NCAM2: variants seen among roughly 807,000 people sequenced by gnomAD.
NCAM2 encodes N-CAM-2.
NCAM2 carries 30 observed loss-of-function variants against 98.1 expected under a neutral mutation model. The ratio of observed to expected loss-of-function variants is 0.31; its 90% CI spans 0.23 to 0.41. The LOEUF (loss-of-function observed/expected upper bound fraction) is 0.41. Ranked by LOEUF, NCAM2 falls within the 10% of genes least tolerant of loss-of-function variation. NCAM2 has a pLI of 1.00. For synonymous variants in NCAM2, 368 were observed against 342.4 expected (o/e 1.07, Z -0.83); for missense variants, 867 against 1,005.8 (o/e 0.86, Z 1.87).
At chr21:21,249,758 C>A (rs1336405209) in intron 1 of NCAM2, among the ~76,000 whole-genome samples, 1 of 151,952 alleles carries the variant, frequency 6.6e-6, no homozygotes, top group East Asian at 1.9e-4. Flanking sequence ...AGAGATTTTC[C>A]ACAGATGAAA....
Position 21,335,669 on chromosome 21 carries a change from A to G in NCAM2, c.898+4A>G. The G allele has an allele frequency of 1.2e-6, 2 of 1,602,308 alleles. No homozygotes were observed. The highest frequency in any genetic ancestry group is 1.7e-5 in the Admixed American group (1 of 58,092). Reference sequence around the variant, plus strand: ...CAAGCTTTCCTCCAAGTCTTTGGTAAGTATTATAGCATAGTGGCTAAAACT... The same window carrying G: ...CAAGCTTTCCTCCAAGTCTTTGGTAGGTATTATAGCATAGTGGCTAAAACT... On this transcript the variant is annotated splice_donor_region_variant and intron_variant, in intron 7 of 17. Transcript: ENST00000400546.
chr21:21,152,780 G>T (rs2067484613), intron 1 of NCAM2, among the ~76,000 whole-genome samples: 1 of 151,912 alleles, frequency 6.6e-6, no homozygotes, highest in African/African-American at 2.4e-5. Flanking sequence ...AGTAGTTGTT[G>T]TTTCCCTCTC....
At chr21:21,026,989 T>A (rs1222998239) in intron 1 of NCAM2, among the ~76,000 whole-genome samples, 2 of 151,696 alleles carry the variant, frequency 1.3e-5, no homozygotes, top group Admixed American at 1.3e-4. Context: ...CCTGAGTAGC[T>A]GGGATTGCAG....
intron 12 of NCAM2, among the ~76,000 whole-genome samples, chr21:21,448,228 G>A (rs1602371182): frequency 6.6e-6 from 1 of 152,212 alleles, no homozygotes; most frequent in East Asian, 1.9e-4. Flanking sequence ...AAAGGAATGA[G>A]AACATGTCCT....
intron 1 of NCAM2, among the ~76,000 whole-genome samples, chr21:21,023,455 C>T (rs1475837640): frequency 1.3e-5 from 2 of 150,462 alleles, no homozygotes; most frequent in Non-Finnish European, 3.0e-5. Flanking sequence ...ATCTGGGAGG[C>T]GGAGGTTGCA....
At chr21:21,120,719 G>GTTTTTTTTTTTTTTTTTT (rs56905252) in intron 1 of NCAM2, among the ~76,000 whole-genome samples, 1 of 142,250 alleles carries the variant, frequency 7.0e-6, no homozygotes, top group Non-Finnish European at 1.5e-5. Flanking sequence ...TTTTTTGTGG[G>GTTTTTTTTTTTTTTTTTT]TTTTTTTTTT....
intron 1 of NCAM2, among the ~76,000 whole-genome samples, chr21:21,084,181 GT>G: frequency 6.6e-6 from 1 of 152,246 alleles, no homozygotes; most frequent in African/African-American, 2.4e-5. Flanking sequence ...TCAAAAAAGA[GT>G]GCTCATCTCA....
intron 6 of NCAM2, among the ~76,000 whole-genome samples, chr21:21,330,891 T>A (rs2074657597): frequency 6.6e-6 from 1 of 152,142 alleles, no homozygotes; most frequent in African/African-American, 2.4e-5. Flanking sequence ...CACTATGTCT[T>A]CAAGTTTACT....
At chr21:21,397,907 G>C (rs2076548662) in intron 9 of NCAM2, among the ~76,000 whole-genome samples, 1 of 152,212 alleles carries the variant, frequency 6.6e-6, no homozygotes, top group Non-Finnish European at 1.5e-5. Flanking sequence ...ACTAAAAGTA[G>C]ATCCACTATT....
chr21:20,998,669 G>T (rs748321312), intron 1 of NCAM2, 51 bp downstream of exon 1: 1 of 1,538,980 alleles, frequency 6.5e-7, no homozygotes, highest in African/African-American at 1.4e-5. Context: ...CTTCCACCCG[G>T]CCAAGAGAGG....
chr21:21,188,478 C>T (rs919610285), intron 1 of NCAM2, among the ~76,000 whole-genome samples: 1 of 152,162 alleles, frequency 6.6e-6, no homozygotes, highest in African/African-American at 2.4e-5. Flanking sequence ...CTATAACTAG[C>T]TATGGGTTAA....
chr21:21,103,822 G>GT (rs1315230017), intron 1 of NCAM2, among the ~76,000 whole-genome samples: 4 of 152,046 alleles, frequency 2.6e-5, no homozygotes, highest in Non-Finnish European at 4.4e-5. Context: ...TAGTCATTTT[G>GT]TTTTTGTGTG....
At chr21:21,009,689 AT>A (rs1461176348) in intron 1 of NCAM2, among the ~76,000 whole-genome samples, 1 of 152,060 alleles carries the variant, frequency 6.6e-6, no homozygotes, top group African/African-American at 2.4e-5. Flanking sequence ...AATCAAGATA[AT>A]CCCCCATAGT....
intron 5 of NCAM2, among the ~76,000 whole-genome samples, chr21:21,296,551 C>G (rs1468301614): frequency 6.6e-6 from 1 of 151,734 alleles, no homozygotes; most frequent in African/African-American, 2.4e-5. Context: ...AGCAGTCAAT[C>G]ATGGATGACC....
At chr21:21,320,839 T>C (rs1415524761) in intron 5 of NCAM2, among the ~76,000 whole-genome samples, 1 of 152,146 alleles carries the variant, frequency 6.6e-6, no homozygotes, top group Non-Finnish European at 1.5e-5. Flanking sequence ...GTTCTTAAAA[T>C]TAACTGAAAA....
chr21:21,265,990 G>A (rs1011621005), intron 1 of NCAM2, among the ~76,000 whole-genome samples: 1 of 152,050 alleles, frequency 6.6e-6, no homozygotes, highest in African/African-American at 2.4e-5. Context: ...AAATATTAAT[G>A]AATAAGTGAG....
At chr21:21,531,192 C>T (rs558797819) in intron 16 of NCAM2, among the ~76,000 whole-genome samples, 106 of 152,128 alleles carry the variant, frequency 7.0e-4, no homozygotes, top group African/African-American at 2.4e-3. Flanking sequence ...TTTTGTATTA[C>T]TTGCAAATAT....
chr21:21,182,505 T>G (rs2068513022), intron 1 of NCAM2, among the ~76,000 whole-genome samples: 1 of 152,202 alleles, frequency 6.6e-6, no homozygotes. Flanking sequence ...AGGCAGTAGC[T>G]TCAACTTTGA....
At chr21:21,479,228 C>A (rs148395625) in intron 15 of NCAM2, among the ~76,000 whole-genome samples, 25 of 151,652 alleles carry the variant, frequency 1.6e-4, no homozygotes, top group African/African-American at 5.6e-4. Flanking sequence ...AACATAAAAT[C>A]AAAAAAATAG....
Sources: gnomAD v4.1 joint callset for allele counts (sites outside exome capture counted in the v4.1 genomes callset) on GRCh38, gnomAD v4.1.1 for gene constraint, MANE v1.5 for transcripts, NCBI Gene and HGNC (gene_info 2026-07-23, HGNC 2026-07-21) for gene names.